The following ECE1 variants were observed in gnomAD, a reference collection of about 807,000 sequenced individuals.
ECE1 encodes the protein endothelin converting enzyme 1, also known as endothelin-converting enzyme 1.
Under a neutral mutation model 98.6 loss-of-function variants are expected in ECE1, and 35 were observed. That is an observed-to-expected ratio of 0.35 (90% CI 0.27 to 0.47). The LOEUF is 0.47. ECE1 is among the 20% of genes least tolerant of loss of function. The pLI is 1.00. For missense variants in ECE1, 814 were observed against 1,025.3 expected, an observed-to-expected ratio of 0.79 and a Z score of 2.81; for synonymous variants, 394 against 407.1, an observed-to-expected ratio of 0.97 and a Z score of 0.39.
chr1:21,304,032 A>T (rs1160171307), intron 1 of ECE1, among the ~76,000 whole-genome samples: 1 of 149,712 alleles, frequency 6.7e-6, no homozygotes, highest in Admixed American at 6.6e-5. Flanking sequence ...AAAAAAAAAA[A>T]GGGCCGGGCG....
chr1:21,341,752 G>A (rs972356944), intron 1 of ECE1, among the ~76,000 whole-genome samples: 9 of 152,190 alleles, frequency 5.9e-5, no homozygotes, highest in Non-Finnish European at 1.3e-4. Context: ...AGGCACCAGA[G>A]TGACGTGGGG....
chr1:21,320,351 A>G (rs963444801), intron 1 of ECE1, among the ~76,000 whole-genome samples: 7 of 152,236 alleles, frequency 4.6e-5, no homozygotes, highest in African/African-American at 1.7e-4. Flanking sequence ...ATCAAATGGG[A>G]TAATGAGAGG....
At chr1:21,302,974 C>G (rs75064526) in intron 1 of ECE1, among the ~76,000 whole-genome samples, 3 of 152,184 alleles carry the variant, frequency 2.0e-5, no homozygotes, top group Non-Finnish European at 4.4e-5. Context: ...TGCCACCCCC[C>G]GGGCCTGGGC....
intron 3 of ECE1, among the ~76,000 whole-genome samples, chr1:21,278,637 G>A (rs962525149): frequency 3.9e-5 from 6 of 152,240 alleles, no homozygotes; most frequent in Non-Finnish European, 7.3e-5. Flanking sequence ...GCTGCCTCCA[G>A]GAGGAAATGA....
chr1:21,278,867 C>G (rs867765752), intron 3 of ECE1, among the ~76,000 whole-genome samples: 2 of 152,152 alleles, frequency 1.3e-5, no homozygotes, highest in Non-Finnish European at 2.9e-5. Flanking sequence ...ATCTCTAGTC[C>G]GCAGACCCAT....
intron 1 of ECE1, among the ~76,000 whole-genome samples, chr1:21,342,580 T>C (rs1401208489): frequency 6.9e-6 from 1 of 145,552 alleles, no homozygotes; most frequent in Non-Finnish European, 1.5e-5. Flanking sequence ...AGGAAACACA[T>C]CACACAGACA....
chr1:21,256,251 C>T, intron 7 of ECE1, 113 bp from the exon 8 acceptor site: 1 of 1,258,288 alleles, frequency 7.9e-7, no homozygotes, highest in East Asian at 2.5e-5. Context: ...GGGGGCTGCA[C>T]AGTGCCCCCA....
intron 3 of ECE1, among the ~76,000 whole-genome samples, chr1:21,276,026 C>CTTTTT (rs532213567): frequency 3.2e-4 from 29 of 91,264 alleles, no homozygotes; most frequent in African/African-American, 3.6e-4. Context: ...TTAATACGTG[C>CTTTTT]TTTTTTTTTT....
chr1:21,284,688 C>T (rs1441415647), intron 2 of ECE1, among the ~76,000 whole-genome samples: 5 of 152,196 alleles, frequency 3.3e-5, no homozygotes, highest in African/African-American at 1.2e-4. Flanking sequence ...ACAAGTTCTG[C>T]AGGTGAGGAT....
chr1:21,312,861 C>T (rs1467786600), intron 1 of ECE1, among the ~76,000 whole-genome samples: 1 of 152,080 alleles, frequency 6.6e-6, no homozygotes, highest in Non-Finnish European at 1.5e-5. Flanking sequence ...GCCCCACTCT[C>T]ATAGGTAGCT....
At chr1:21,320,187 T>C (rs1044941481) in intron 1 of ECE1, among the ~76,000 whole-genome samples, 1 of 152,256 alleles carries the variant, frequency 6.6e-6, no homozygotes, top group Non-Finnish European at 1.5e-5. Context: ...TGAGGTTTGC[T>C]GCGTCCAGCT....
chr1:21,262,975 C>G (rs1182848816), intron 4 of ECE1, among the ~76,000 whole-genome samples: 1 of 152,186 alleles, frequency 6.6e-6, no homozygotes, highest in East Asian at 1.9e-4. Flanking sequence ...GTGAGGCAAA[C>G]GGCAGCCAAG....
chr1:21,242,691 T>C lies in ECE1; in HGVS notation c.1278+2298A>G, dbSNP rs756467530. ...CCTTGCCTCTCTTGAGGCCTCCCTGTGCCCCACTTGCTCCAAGTGCCATAT... is the reference window on the plus strand; with the variant it reads ...CCTTGCCTCTCTTGAGGCCTCCCTGCGCCCCACTTGCTCCAAGTGCCATAT... On this transcript the variant is annotated intron_variant, in intron 10 of 18. Transcript: ENST00000374893. 3.9e-4 allele frequency among the ~76,000 whole-genome samples: 60 copies of C among 152,324 alleles called. No homozygotes were observed. In the Middle Eastern group the frequency reaches 0.02, roughly 52 times the overall value.
chr1:21,233,682 T>A lies in ECE1; in HGVS notation c.1567-21A>T. ...GTGTACTAGAAAAGAAGAAGTGGAG[T>A]CAATCACAGTGTGCCCTCGGTGGTG... On this transcript the variant is annotated intron_variant, in intron 13 of 18. Coordinates refer to ENST00000374893, the MANE Select transcript of ECE1 (RefSeq NM_001397.3). The surrounding 1 kb of genome is among the most constrained non-coding windows in gnomAD (Gnocchi z 4.0). The A allele has an allele frequency of 6.2e-7, 1 of 1,606,668 alleles. No individual in the cohort carries two copies. Among genetic ancestry groups the A allele is most frequent in the South Asian group, 1.1e-5 (1 of 90,884 alleles).
chr1:21,345,383 C>T lies in ECE1; in HGVS notation c.-5G>A. On this transcript the variant is annotated 5_prime_UTR_variant, in exon 1 of 19. Coordinates refer to the ECE1 transcript ENST00000415912. The surrounding 1 kb of genome is among the most constrained non-coding windows in gnomAD (Gnocchi z 5.1). ...TCCGCGCGCAGCACTCACCATAGCT[C>T]GCGTGCTCCGCCCCGGCTTCGCGCA... The T allele has an allele frequency of 8.9e-6, 12 of 1,340,952 alleles. No homozygotes were observed. The highest frequency in any genetic ancestry group is 1.8e-5 in the South Asian group (1 of 56,120). The allele number at this position is 1,340,952 out of a possible 1,614,324, so 83.1% of individuals were successfully genotyped here. A position where few individuals can be genotyped will look rare whatever the true frequency, so the allele number is the denominator to read the frequency against.
In ECE1 at chr1:21,264,211, C is replaced by G. The variant is rs145604475; in HGVS notation, c.494-3819G>C. On this transcript the variant is annotated intron_variant, in intron 4 of 18. Transcript: ENST00000374893. ...GCTCCAGACACTCGAAGTTTGAGGC[C>G]TCTATGAGACACCCAAGGGGAGCCC... Among the ~76,000 whole-genome samples, 55 of 152,106 alleles carry G rather than the reference C, an allele frequency of 3.6e-4. 1 individual carries two copies. Among genetic ancestry groups the G allele is most frequent in the African/African-American group, 1.3e-3 (52 of 41,480 alleles).
intron 1 of ECE1, among the ~76,000 whole-genome samples, chr1:21,337,752 T>C (rs1306445821): frequency 6.6e-6 from 1 of 152,082 alleles, no homozygotes; most frequent in Non-Finnish European, 1.5e-5. Flanking sequence ...AGCTCCATAT[T>C]AGAGACAGGA....
chr1:21,227,832 TG>T, intron 15 of ECE1, 98 bp downstream of exon 15: 1 of 955,454 alleles, frequency 1.0e-6, no homozygotes. Flanking sequence ...CCTGAAGCAC[TG>T]GGGCAAAGAT....
chr1:21,261,715 T>C (rs1360565008), intron 4 of ECE1, among the ~76,000 whole-genome samples: 2 of 152,174 alleles, frequency 1.3e-5, no homozygotes, highest in Non-Finnish European at 2.9e-5. Flanking sequence ...ACGACAGTGC[T>C]ATGAACAACG....
Sources: allele counts gnomAD v4.1 joint callset (sites outside exome capture counted in the v4.1 genomes callset), GRCh38; gene constraint gnomAD v4.1.1; non-coding constraint Gnocchi (gnomAD v3.1); transcripts MANE v1.5; gene names NCBI Gene and HGNC (gene_info 2026-07-23, HGNC 2026-07-21).